PEAK1: variants seen among roughly 807,000 people sequenced by gnomAD.
The protein encoded by PEAK1 is inactive tyrosine-protein kinase PEAK1.
A neutral mutation model predicts 124.7 loss-of-function variants in PEAK1; 54 were observed. The observed-to-expected ratio is 0.43, with a 90% CI of 0.35 to 0.54. The LOEUF (loss-of-function observed/expected upper bound fraction) is 0.54, where lower values mean the gene tolerates loss of function less well. Among genes scored for constraint, PEAK1 ranks in the 20% least tolerant of loss-of-function variants. PEAK1 has a pLI of 0.01. For synonymous variants in PEAK1, 719 were observed against 760.0 expected (o/e 0.95, Z 0.89); for missense variants, 2,046 against 2,134.5 (o/e 0.96, Z 0.82).
chr15:77,310,911 T>C lies in PEAK1; in HGVS notation c.-602-24407A>G, dbSNP rs1244970343. 2.6e-5 allele frequency among the ~76,000 whole-genome samples: 4 copies of C among 152,090 alleles called. No individual in the cohort carries two copies. The East Asian group carries it at 5.8e-4, about 22-fold the overall frequency. ...ACTAAACAAACAAACAAAAACCCAA[T>C]GAGGCTTGAGAAGTAAGTAGATAGG... On this transcript the variant is annotated intron_variant, in intron 2 of 9. Transcript: ENST00000682557.
chr15:77,309,310 T>C (rs556071849), intron 2 of PEAK1, among the ~76,000 whole-genome samples: 1 of 152,092 alleles, frequency 6.6e-6, no homozygotes, highest in Non-Finnish European at 1.5e-5. Flanking sequence ...GCGGCCACCA[T>C]TGCTTTTGAC....
At chr15:77,313,088 A>C (rs570958600) in intron 2 of PEAK1, among the ~76,000 whole-genome samples, 2 of 152,316 alleles carry the variant, frequency 1.3e-5, no homozygotes, top group African/African-American at 4.8e-5. Flanking sequence ...CTTTGGCAAA[A>C]ATTGCTATTT....
intron 7 of PEAK1, among the ~76,000 whole-genome samples, chr15:77,173,589 T>C (rs974384634): frequency 1.3e-5 from 2 of 152,306 alleles, no homozygotes; most frequent in Non-Finnish European, 2.9e-5. Flanking sequence ...TTTGTACCCT[T>C]AGCAAACACC....
chr15:77,314,343 CAACCCTGTAATAT>C (rs945750253), intron 2 of PEAK1, among the ~76,000 whole-genome samples: 22 of 151,838 alleles, frequency 1.4e-4, no homozygotes, highest in African/African-American at 5.3e-4. Flanking sequence ...AGGCTGACCT[CAACCCTGTAATAT>C]AACCCATTAC....
At chr15:77,162,493 C>CAAAAAAA (rs71143393) in intron 7 of PEAK1, among the ~76,000 whole-genome samples, 1 of 70,438 alleles carries the variant, frequency 1.4e-5, no homozygotes, top group African/African-American at 7.2e-5. Context: ...GACTCCATCT[C>CAAAAAAA]AAAAAAAAAA....
chr15:77,418,841 C>T (rs1305114664), intron 1 of PEAK1: 1 of 985,208 alleles, frequency 1.0e-6, no homozygotes, highest in Admixed American at 6.2e-5. Context: ...AAAAAAAAGA[C>T]GCTGTGGCTG....
chr15:77,342,499 G>A (rs925981639), intron 2 of PEAK1, among the ~76,000 whole-genome samples: 13 of 150,732 alleles, frequency 8.6e-5, no homozygotes, highest in African/African-American at 9.8e-5. Context: ...TGCAATTTCC[G>A]GGCTCAAGTG....
chr15:77,283,414 T>C (rs1309471271), intron 5 of PEAK1, among the ~76,000 whole-genome samples: 1 of 152,148 alleles, frequency 6.6e-6, no homozygotes, highest in Non-Finnish European at 1.5e-5. Context: ...TCATACCATG[T>C]GGTCTAGAAA....
At chr15:77,132,908 G>A in intron 9 of PEAK1, 97 bp downstream of exon 9, 4 of 1,256,276 alleles carry the variant, frequency 3.2e-6, no homozygotes, top group Non-Finnish European at 4.4e-6. Flanking sequence ...TTGCTGAATG[G>A]AAGAATGAAG....
rs538842198 is a variant in PEAK1, at chr15:77,226,880, C to T, written c.-115+25487G>A. Among the ~76,000 whole-genome samples the T allele has an allele frequency of 1.5e-4, 23 of 152,262 alleles. No homozygotes were observed. The South Asian group carries it at 1.9e-3, about 12-fold the overall frequency. ...AGGAAACTGAAGTTCAGAGAGATTT[C>T]GTGATTTGCTCATAGACCTAGGACT... On this transcript the variant is annotated intron_variant, in intron 6 of 9. Transcript: ENST00000682557.
At chr15:77,383,709 G>C (rs1357436594) in intron 1 of PEAK1, among the ~76,000 whole-genome samples, 1 of 152,106 alleles carries the variant, frequency 6.6e-6, no homozygotes, top group East Asian at 1.9e-4. Context: ...CCAAATTAAT[G>C]GTTCTAATAA....
rs953820983 is a variant in PEAK1, at chr15:77,171,640, G to A, written c.3137+7150C>T. On this transcript the variant is annotated intron_variant, in intron 7 of 9. Coordinates refer to ENST00000682557, the MANE Select transcript of PEAK1 (RefSeq NM_001385026.1). ...CACTGTAGGATGACTATAGTTAACA[G>A]TAACATTATTATATAGTTTCAGATA... Among the ~76,000 whole-genome samples, 3 of 152,230 alleles carry A rather than the reference G, an allele frequency of 2.0e-5. No homozygotes were observed. The East Asian group carries it at 5.8e-4, about 29-fold the overall frequency.
At chr15:77,151,815 G>A (rs1307191932) in intron 8 of PEAK1, among the ~76,000 whole-genome samples, 1 of 152,150 alleles carries the variant, frequency 6.6e-6, no homozygotes, top group Non-Finnish European at 1.5e-5. Flanking sequence ...AAGATCGGAT[G>A]GTTGTAGATA....
intron 1 of PEAK1, chr15:77,402,889 G>C (rs945966798): frequency 1.0e-6 from 1 of 985,236 alleles, no homozygotes; most frequent in East Asian, 1.1e-4. Flanking sequence ...AGATGACTCA[G>C]TGAGTGGGCA....
chr15:77,339,751 T>C (rs1384951635), intron 2 of PEAK1, among the ~76,000 whole-genome samples: 1 of 152,140 alleles, frequency 6.6e-6, no homozygotes, highest in African/African-American at 2.4e-5. Context: ...AAAAGACATA[T>C]CTGAAATCAG....
chr15:77,298,467 C>T (rs2063625004), intron 2 of PEAK1, among the ~76,000 whole-genome samples: 1 of 151,812 alleles, frequency 6.6e-6, no homozygotes, highest in African/African-American at 2.4e-5. Context: ...ATCTGCCCGC[C>T]TCTGCCTCCC....
chr15:77,345,853 C>G, intron 2 of PEAK1: 1 of 941,110 alleles, frequency 1.1e-6, no homozygotes, highest in Middle Eastern at 5.5e-4. Context: ...ACATGTATCC[C>G]CAAAATATGT....
At chr15:77,104,249 G>A (rs1281238281), downstream of PEAK1, 1 of 152,486 alleles carries the variant, frequency 6.6e-6, no homozygotes, top group African/African-American at 2.4e-5. Flanking sequence ...GCCTGGACCA[G>A]GGCCTGGCCC....
chr15:77,347,643 A>G, intron 2 of PEAK1: 1 of 978,966 alleles, frequency 1.0e-6, no homozygotes, highest in South Asian at 4.7e-5. Flanking sequence ...TTTAATGTAA[A>G]TAACAAATAT....
Sources: gnomAD v4.1 joint callset for allele counts (sites outside exome capture counted in the v4.1 genomes callset) on GRCh38, gnomAD v4.1.1 for gene constraint, MANE v1.5 for transcripts, NCBI Gene and HGNC (gene_info 2026-07-23, HGNC 2026-07-21) for gene names.